Variants in FAM222B observed in about 807,000 individuals in gnomAD.
FAM222B encodes protein FAM222B.
In FAM222B, 12 loss-of-function variants were observed where a neutral mutation model predicts 38.0. The observed-to-expected ratio is 0.32, with a 90% CI of 0.20 to 0.51. The LOEUF (loss-of-function observed/expected upper bound fraction) is 0.51. FAM222B is among the 20% of genes least tolerant of loss of function. The pLI is 0.97. For synonymous variants in FAM222B, 329 were observed against 317.2 expected (o/e 1.04, Z -0.40); for missense variants, 716 against 754.2 (o/e 0.95, Z 0.59).
chr17:28,845,597 G>GA (rs1325842698), upstream of FAM222B, among the ~76,000 whole-genome samples: 2 of 150,980 alleles, frequency 1.3e-5, no homozygotes, highest in Non-Finnish European at 3.0e-5. Context: ...AGGAAAAAAA[G>GA]AAAAAATAAA....
Position 28,806,957 on chromosome 17 carries a change from C to G in FAM222B, c.-41+35725G>C, listed in dbSNP as rs538070891. Among the ~76,000 whole-genome samples the G allele has an allele frequency of 2.6e-5, 4 of 152,052 alleles. No individual in the cohort carries two copies. The South Asian group carries it at 8.3e-4, about 32-fold the overall frequency. Reference sequence around the variant, plus strand: ...CCCTACTTCAGAGAAATGCTGAGACCGATGTTCATTTAATTCACTGGATAA... The same window carrying G: ...CCCTACTTCAGAGAAATGCTGAGACGGATGTTCATTTAATTCACTGGATAA... On this transcript the variant is annotated intron_variant, in intron 1 of 2. Transcript: ENST00000581407.
At chr17:28,813,061 A>C (rs2151930702) in intron 1 of FAM222B, among the ~76,000 whole-genome samples, 1 of 70,790 alleles carries the variant, frequency 1.4e-5, no homozygotes, top group Non-Finnish European at 2.5e-5. Flanking sequence ...CGTTGGAGGC[A>C]TGTTGGGAAA....
At chr17:28,845,629 G>A (rs894978330), upstream of FAM222B, among the ~76,000 whole-genome samples, 5 of 151,484 alleles carry the variant, frequency 3.3e-5, no homozygotes, top group Admixed American at 6.6e-5. Flanking sequence ...GGCACAGTGG[G>A]TCACACCTGT....
At chr17:28,763,768 G>A (rs1166754456) in intron 2 of FAM222B, among the ~76,000 whole-genome samples, 1 of 152,128 alleles carries the variant, frequency 6.6e-6, no homozygotes, top group African/African-American at 2.4e-5. Flanking sequence ...TTGAGGAATG[G>A]GTGACAACAT....
intron 1 of FAM222B, among the ~76,000 whole-genome samples, chr17:28,840,730 G>A (rs1232530781): frequency 3.3e-5 from 5 of 152,108 alleles, no homozygotes; most frequent in African/African-American, 1.2e-4. Flanking sequence ...GCTGGGGCGG[G>A]CGGATCACCT....
upstream of FAM222B, among the ~76,000 whole-genome samples, chr17:28,847,450 C>T (rs1021381207): frequency 3.3e-5 from 5 of 151,606 alleles, no homozygotes; most frequent in Admixed American, 3.3e-4. Context: ...AAAAATTAGC[C>T]GGGCATTGTG....
At chr17:28,772,520 C>T (rs924203843) in intron 1 of FAM222B, among the ~76,000 whole-genome samples, 1 of 140,458 alleles carries the variant, frequency 7.1e-6, no homozygotes, top group Admixed American at 8.0e-5. Context: ...GTCAAGAGAT[C>T]GAGACCATCC....
rs887818062 is a variant in FAM222B, at chr17:28,780,522, C to CA, written c.-40-13816dup. On this transcript the variant is annotated intron_variant, in intron 1 of 2. Coordinates refer to ENST00000581407, the MANE Select transcript of FAM222B (RefSeq NM_001077498.3). Reference sequence around the variant, plus strand: ...AATAAAACAATCTCACAATAACTACCAAAAAAAAAAGGCTTGGGAATAAAT... The same window carrying CA: ...AATAAAACAATCTCACAATAACTACCAAAAAAAAAAAGGCTTGGGAATAAAT... Among the ~76,000 whole-genome samples, 579 of 143,814 alleles carry CA rather than the reference C, an allele frequency of 4.0e-3. 2 individuals carry two copies. Among genetic ancestry groups the CA allele is most frequent in the African/African-American group, 0.012 (479 of 39,190 alleles). The allele number at this position is 143,814 out of a possible 152,430, so 94.3% of individuals were successfully genotyped here.
In FAM222B at chr17:28,779,470, G is replaced by A. The variant is rs115732348; in HGVS notation, c.-40-12763C>T. 1.5e-3 allele frequency among the ~76,000 whole-genome samples: 229 copies of A among 152,230 alleles called. 1 individual carries two copies. The highest frequency in any genetic ancestry group is 5.3e-3 in the African/African-American group (220 of 41,542). ...AACAGATGCAAAAAAGCATCTGACAGGCCGGGCGCGGTGGCTCAAGCCTGT... is the reference window on the plus strand; with the variant it reads ...AACAGATGCAAAAAAGCATCTGACAAGCCGGGCGCGGTGGCTCAAGCCTGT... On this transcript the variant is annotated intron_variant, in intron 1 of 2. Coordinates refer to ENST00000581407, the MANE Select transcript of FAM222B (RefSeq NM_001077498.3).
At chr17:28,829,072 A>G (rs929079599) in intron 1 of FAM222B, among the ~76,000 whole-genome samples, 1 of 150,706 alleles carries the variant, frequency 6.6e-6, no homozygotes, top group East Asian at 2.0e-4. Context: ...TGCCCGGCTA[A>G]TTTTTGTATT....
chr17:28,770,732 G>A (rs113570613), intron 1 of FAM222B, among the ~76,000 whole-genome samples: 5 of 151,908 alleles, frequency 3.3e-5, no homozygotes, highest in South Asian at 2.1e-4. Context: ...CATCATGCCC[G>A]GCTAATTTTT....
intron 2 of FAM222B, among the ~76,000 whole-genome samples, chr17:28,765,572 T>A (rs1188223006): frequency 2.6e-5 from 4 of 152,188 alleles, no homozygotes; most frequent in African/African-American, 9.7e-5. Flanking sequence ...GAATGGAAGG[T>A]CTATTCCAAA....
At chr17:28,776,549 C>T (rs1286893328) in intron 1 of FAM222B, among the ~76,000 whole-genome samples, 8 of 150,344 alleles carry the variant, frequency 5.3e-5, no homozygotes, top group African/African-American at 9.8e-5. Flanking sequence ...CTCAACCTCC[C>T]GGGCTCAAGC....
chr17:28,787,615 C>T (rs1408757912), intron 1 of FAM222B, among the ~76,000 whole-genome samples: 1 of 152,056 alleles, frequency 6.6e-6, no homozygotes, highest in African/African-American at 2.4e-5. Context: ...AGGTGGAGCA[C>T]CCCCTTCCAC....
chr17:28,816,621 T>C (rs1233402837), intron 1 of FAM222B, among the ~76,000 whole-genome samples: 1 of 151,008 alleles, frequency 6.6e-6, no homozygotes, highest in East Asian at 1.9e-4. Context: ...CAGTTCCCAG[T>C]AGAACGGAAT....
At chr17:28,791,537 A>G (rs1284169821) in intron 1 of FAM222B, among the ~76,000 whole-genome samples, 1 of 152,082 alleles carries the variant, frequency 6.6e-6, no homozygotes, top group Non-Finnish European at 1.5e-5. Flanking sequence ...TTCTAAAGAT[A>G]GAGAATTTCG....
upstream of FAM222B, among the ~76,000 whole-genome samples, chr17:28,846,347 C>A (rs2039145968): frequency 6.6e-6 from 1 of 151,558 alleles, no homozygotes; most frequent in South Asian, 2.1e-4. Context: ...GCCTAAGGAA[C>A]CGAGTGAGAC....
intron 1 of FAM222B, among the ~76,000 whole-genome samples, chr17:28,821,921 C>A (rs1488160418): frequency 6.6e-6 from 1 of 151,550 alleles, no homozygotes; most frequent in African/African-American, 2.4e-5. Context: ...GCCGAGATTG[C>A]ACCATTGCAC....
chr17:28,820,950 C>CTTTTT (rs1456864304), intron 1 of FAM222B, among the ~76,000 whole-genome samples: 6 of 144,400 alleles, frequency 4.2e-5, no homozygotes, highest in South Asian at 2.3e-4. Flanking sequence ...TGGTAAAACT[C>CTTTTT]TTTTTATTTT....
Sources: gnomAD v4.1 joint callset for allele counts (sites outside exome capture counted in the v4.1 genomes callset) on GRCh38, gnomAD v4.1.1 for gene constraint, MANE v1.5 for transcripts, NCBI Gene and HGNC (gene_info 2026-07-23, HGNC 2026-07-21) for gene names.